ZNF845: variants seen among roughly 807,000 people sequenced by gnomAD.
ZNF845 encodes the protein zinc finger protein 845.
ZNF845 carries 59 observed loss-of-function variants against 76.1 expected under a neutral mutation model. That is an observed-to-expected ratio of 0.78 (90% confidence interval 0.63 to 0.96). The LOEUF is 0.96. ZNF845 is among the 40% of genes least tolerant of loss of function. ZNF845 has a pLI of 0.00. For synonymous variants in ZNF845, 361 were observed against 386.9 expected (o/e 0.93, Z 0.78); for missense variants, 1,045 against 1,172.8 (o/e 0.89, Z 1.59).
chr19:53,347,947 T>C (rs2085308196), intron 3 of ZNF845, among the ~76,000 whole-genome samples: 1 of 152,170 alleles, frequency 6.6e-6, no homozygotes, highest in Admixed American at 6.5e-5. Flanking sequence ...CCCAGTTCTT[T>C]GGGATGCTGA....
At chr19:53,349,096 A>T (rs1349728562) in intron 3 of ZNF845, among the ~76,000 whole-genome samples, 1 of 151,898 alleles carries the variant, frequency 6.6e-6, no homozygotes, top group Non-Finnish European at 1.5e-5. Context: ...CTGACCTTGT[A>T]TCCACCTGCC....
Position 53,353,501 on chromosome 19 carries a change from T to G in ZNF845, c.2826T>G (p.Pro942=). ...AGACAATTCATACTGGAGAGAAACCTTACAAGTGTAATGAATGTGGCAAGG... is the reference window on the plus strand; with the variant it reads ...AGACAATTCATACTGGAGAGAAACCGTACAAGTGTAATGAATGTGGCAAGG... ...IHKTIHTGEK[P]YKCNECGKVF... Residue 942 remains proline, a synonymous_variant, in exon 4 of 4, where the codon CCT becomes CCG. Transcript: ENST00000458035. 6.2e-7 allele frequency: 1 copy of G among 1,613,374 alleles called. No individual in the cohort carries two copies. Among genetic ancestry groups the G allele is most frequent in the Non-Finnish European group, 8.5e-7 (1 of 1,179,508 alleles).
At chr19:53,341,553 C>G (rs867401962) in intron 2 of ZNF845, among the ~76,000 whole-genome samples, 3 of 151,994 alleles carry the variant, frequency 2.0e-5, no homozygotes, top group African/African-American at 7.3e-5. Flanking sequence ...GGGCTCACAC[C>G]GAGACATGGA....
intron 3 of ZNF845, among the ~76,000 whole-genome samples, chr19:53,348,719 G>A (rs921070202): frequency 2.6e-5 from 4 of 151,898 alleles, no homozygotes; most frequent in Non-Finnish European, 4.4e-5. Flanking sequence ...CACATTCTAT[G>A]TTTTATATTA....
At position 53,351,474 on chromosome 19, in the gene ZNF845, G is replaced by C; in HGVS notation, c.799G>C (p.Gly267Arg). 6.2e-7 allele frequency: 1 copy of C among 1,614,208 alleles called. No homozygotes were observed. The highest frequency in any genetic ancestry group is 1.1e-5 in the South Asian group (1 of 91,084). Residue 267 changes from glycine to arginine, a missense_variant, in exon 4 of 4, where the codon GGC becomes CGC. Transcript: ENST00000458035. ...YLACHRRCHT[G>R]KKPYKCNDCG... ...TGCATGTCATCGTAGATGTCACACT[G>C]GCAAGAAACCTTACAAGTGTAATGA...
intron 2 of ZNF845, among the ~76,000 whole-genome samples, chr19:53,342,645 G>A (rs1224020077): frequency 1.3e-5 from 2 of 152,014 alleles, no homozygotes; most frequent in Non-Finnish European, 2.9e-5. Flanking sequence ...GCATCGTTAC[G>A]AGACTTTAGA....
intron 3 of ZNF845, among the ~76,000 whole-genome samples, chr19:53,350,055 C>T (rs1359146569): frequency 6.6e-6 from 1 of 152,120 alleles, no homozygotes; most frequent in Non-Finnish European, 1.5e-5. Context: ...AAAATACAAA[C>T]AATTTCTTAA....
intron 2 of ZNF845, among the ~76,000 whole-genome samples, chr19:53,344,646 T>TATGTTATGTTATGTTATGTTA (rs1220368250): frequency 7.9e-5 from 12 of 151,488 alleles, no homozygotes; most frequent in Admixed American, 3.3e-4. Flanking sequence ...TTATTTTATT[T>TATGTTATGTTATGTTATGTTA]TGGGATGGAG....
intron 1 of ZNF845, among the ~76,000 whole-genome samples, chr19:53,335,503 G>A (rs532992101): frequency 9.9e-5 from 15 of 152,084 alleles, no homozygotes; most frequent in African/African-American, 2.4e-4. Flanking sequence ...TCAAAGGATC[G>A]TCCTGCCTTG....
In ZNF845 at chr19:53,351,348, A is replaced by C; in HGVS notation, c.673A>C (p.Asn225His). The C allele has an allele frequency of 6.2e-7, 1 of 1,614,108 alleles. No individual in the cohort carries two copies. Among genetic ancestry groups the C allele is most frequent in the East Asian group, 2.2e-5 (1 of 44,894 alleles). Residue 225 changes from asparagine (N) to histidine (H), a missense_variant, in exon 4 of 4, where the codon AAT becomes CAT. By Grantham distance (68) the Asn-to-His change is moderately conservative (BLOSUM62 1). Coordinates refer to ENST00000458035, the MANE Select transcript of ZNF845 (RefSeq NM_138374.3). ...ATGTAATGAGAGTGGCAAAGCCTTT[A>C]ATTATAGCTCAGTCTTAAGGAAACA... ...FQCNESGKAF[N>H]YSSVLRKHQI...
rs2085368100 is a variant in ZNF845 at position 53,354,254 on chromosome 19, CA to C, written c.*669del. On this transcript the variant is annotated 3_prime_UTR_variant, in exon 4 of 4. Coordinates refer to ENST00000458035, the MANE Select transcript of ZNF845 (RefSeq NM_138374.3). ...AAATTCATTTTTGAGATGATTGTTC[CA>C]AATGCAATGAGTATAGCAAACCATC... 6.2e-6 allele frequency: 3 copies of C among 482,044 alleles called. No individual in the cohort carries two copies. Among genetic ancestry groups the C allele is most frequent in the South Asian group, 4.7e-5 (3 of 63,544 alleles). The allele number at this position is 482,044 out of a possible 1,614,324, so 29.9% of individuals were successfully genotyped here. A position where few individuals can be genotyped will look rare whatever the true frequency, so the allele number is the denominator to read the frequency against.
rs760642838 is a variant in ZNF845 at position 53,350,795 on chromosome 19, C to A, written c.143-23C>A. On this transcript the variant is annotated intron_variant, in intron 3 of 3. Transcript: ENST00000458035. ...TTACCATCTATACTTAAGTGGAAAC[C>A]TATTGGTGTTTATATTTTCTAGATA... 3.7e-6 allele frequency: 6 copies of A among 1,608,646 alleles called. No individual in the cohort carries two copies. The South Asian group carries it at 4.4e-5, about 12-fold the overall frequency.
At chr19:53,344,672 C>A (rs2085282397) in intron 2 of ZNF845, among the ~76,000 whole-genome samples, 1 of 107,842 alleles carries the variant, frequency 9.3e-6, no homozygotes, top group African/African-American at 3.2e-5. Context: ...CTCTTGTTGC[C>A]CATGCTGGAG....
intron 2 of ZNF845, among the ~76,000 whole-genome samples, chr19:53,342,910 C>A (rs569685727): frequency 1.2e-4 from 18 of 152,196 alleles, no homozygotes; most frequent in Non-Finnish European, 2.4e-4. Flanking sequence ...CCACTGCCTC[C>A]CAGGTTCAGG....
Position 53,355,416 on chromosome 19 carries a change from T to C in ZNF845, c.*1828T>C, listed in dbSNP as rs1422191905. ...CATGTCACCACACCTAGCTAATTTA[T>C]TTATTTTTTTTATTTTAGTAAAGAC... On this transcript the variant is annotated 3_prime_UTR_variant, in exon 4 of 4. Coordinates refer to ENST00000458035, the MANE Select transcript of ZNF845 (RefSeq NM_138374.3). The C allele has an allele frequency of 6.6e-6, 1 of 151,630 alleles. No individual in the cohort carries two copies. The highest frequency in any genetic ancestry group is 1.5e-5 in the Non-Finnish European group (1 of 67,922). The allele number at this position is 151,630 out of a possible 1,614,324, so 9.4% of individuals were successfully genotyped here. A position where few individuals can be genotyped will look rare whatever the true frequency, so the allele number is the denominator to read the frequency against.
In ZNF845 at chr19:53,353,517, T is replaced by C. The variant is rs2085361302; in HGVS notation, c.2842T>C (p.Cys948Arg). ...AGAGAAACCTTACAAGTGTAATGAA[T>C]GTGGCAAGGTTTTTAATCGAAAAGC... ...TGEKPYKCNE[C>R]GKVFNRKAKL... The change falls in exon 4 of 4, where the codon TGT becomes CGT. Residue 948 changes from cysteine to arginine, a missense_variant. Transcript: ENST00000458035. The C allele has an allele frequency of 1.2e-6, 2 of 1,613,294 alleles. No individual in the cohort carries two copies. Among genetic ancestry groups the C allele is most frequent in the Non-Finnish European group, 8.5e-7 (1 of 1,179,548 alleles).
rs1389247054 is a variant in ZNF845 at position 53,354,585 on chromosome 19, T to A, written c.*997T>A. 2 of 155,732 alleles carry A rather than the reference T, an allele frequency of 1.3e-5. No individual in the cohort carries two copies. The highest frequency in any genetic ancestry group is 2.8e-5 in the Non-Finnish European group (2 of 70,498). The allele number at this position is 155,732 out of a possible 1,614,324, so 9.6% of individuals were successfully genotyped here. On this transcript the variant is annotated 3_prime_UTR_variant, in exon 4 of 4. Transcript: ENST00000458035. ...GTTGAATCTAAATCACATTTGTTTG[T>A]ATAATCATTCAACAATATTAAGACT...
chr19:53,341,045 A>G (rs2085252862), intron 1 of ZNF845, 190 bp from the exon 2 acceptor site: 1 of 588,910 alleles, frequency 1.7e-6, no homozygotes, highest in Non-Finnish European at 2.9e-6. Flanking sequence ...TCTGGTCCAT[A>G]TTGGCTGCTC....
At position 53,352,507 on chromosome 19, in the gene ZNF845, G is replaced by A. The variant is rs755918488; in HGVS notation, c.1832G>A (p.Arg611Lys). 203 of 1,609,332 alleles carry A rather than the reference G, an allele frequency of 1.3e-4. No individual in the cohort carries two copies. Among genetic ancestry groups the A allele is most frequent in the Non-Finnish European group, 1.6e-4 (191 of 1,177,686 alleles). Residue 611 changes from arginine to lysine, a missense_variant, in exon 4 of 4, where the codon AGA becomes AAA. Physicochemically the swap from Arg to Lys is conservative, Grantham distance 26 (BLOSUM62 2). Transcript: ENST00000458035. ...HNEERSYKCN[R>K]CGKFFRHRSY... ...GAAGAGAGATCGTACAAGTGTAATA[G>A]ATGTGGCAAATTTTTCAGACATCGT... is the stretch of plus-strand genomic sequence containing the variant.
Sources: gnomAD v4.1 joint callset for allele counts (sites outside exome capture counted in the v4.1 genomes callset) on GRCh38, gnomAD v4.1.1 for gene constraint, MANE v1.5 for transcripts, NCBI Gene and HGNC (gene_info 2026-07-23, HGNC 2026-07-21) for gene names.